Variants in UBR3 observed in about 807,000 individuals in gnomAD.
UBR3 encodes ubiquitin protein ligase E3 component n-recognin 3.
UBR3 carries 85 observed loss-of-function variants against 243.2 expected under a neutral mutation model. The ratio of observed to expected loss-of-function variants is 0.35; its 90% CI spans 0.29 to 0.42. The LOEUF (loss-of-function observed/expected upper bound fraction) is 0.42. Ranked by LOEUF, UBR3 falls within the 10% of genes least tolerant of loss-of-function variation. UBR3 has a pLI of 1.00. For synonymous variants in UBR3, 748 were observed against 799.8 expected, an observed-to-expected ratio of 0.94 and a Z score of 1.09; for missense variants, 1,686 against 2,300.8, an observed-to-expected ratio of 0.73 and a Z score of 5.47.
At chr2:170,073,631 C>A in intron 36 of UBR3, 24 bp downstream of exon 36, 1 of 1,605,150 alleles carries the variant, frequency 6.2e-7, no homozygotes, top group Non-Finnish European at 8.5e-7. Context: ...GTTGTACTAG[C>A]TTGTCACGGT....
chr2:169,925,948 G>T (rs1559100409), intron 14 of UBR3, among the ~76,000 whole-genome samples: 1 of 152,218 alleles, frequency 6.6e-6, no homozygotes, highest in Admixed American at 6.5e-5. Flanking sequence ...TGGTCAAGAG[G>T]CAGAAAGGAG....
In UBR3 at chr2:169,857,064, G is replaced by GTTTTTTTTTTTTT; in HGVS notation, c.546-15157_546-15145dup. On this transcript the variant is annotated intron_variant, in intron 1 of 38. Coordinates refer to ENST00000272793, the MANE Select transcript of UBR3 (RefSeq NM_172070.4). ...ATGATTTCCAGCATAATTTTATTATGTTTTTTTTTTTTTTTTTTTTTTTTT... is the reference window on the plus strand; with the variant it reads ...ATGATTTCCAGCATAATTTTATTATGTTTTTTTTTTTTTTTTTTTTTTTTTTTTTTTTTTTTTT... Among the ~76,000 whole-genome samples, 332 of 56,024 alleles carry GTTTTTTTTTTTTT rather than the reference G, an allele frequency of 5.9e-3. 71 individuals are homozygous for GTTTTTTTTTTTTT. The highest frequency in any genetic ancestry group is 0.025 in the East Asian group (29 of 1,150). The allele number at this position is 56,024 out of a possible 152,430, so 36.8% of individuals were successfully genotyped here. A position where few individuals can be genotyped will look rare whatever the true frequency, so the allele number is the denominator to read the frequency against.
chr2:169,994,466 C>T lies in UBR3; in HGVS notation c.3918+10C>T, dbSNP rs185501400. 5.6e-6 allele frequency: 9 copies of T among 1,609,900 alleles called. No individual in the cohort carries two copies. In the East Asian group the frequency reaches 2.0e-4, roughly 36 times the overall value. The stretch of plus-strand genomic sequence containing the variant: ...GCGTTATTTTAAGGATGTAAGTACT[C>T]TTTATAAAATAGTACTTTTGTCTGC... On this transcript the variant is annotated intron_variant, in intron 26 of 38. Coordinates refer to ENST00000272793, the MANE Select transcript of UBR3 (RefSeq NM_172070.4).
intron 18 of UBR3, among the ~76,000 whole-genome samples, chr2:169,931,657 T>C (rs1293127938): frequency 6.6e-6 from 1 of 152,176 alleles, no homozygotes; most frequent in Non-Finnish European, 1.5e-5. Flanking sequence ...CGGTGGTTTC[T>C]AAAATTATTA....
intron 8 of UBR3, among the ~76,000 whole-genome samples, chr2:169,902,912 G>A (rs911181590): frequency 1.3e-5 from 2 of 152,114 alleles, no homozygotes; most frequent in African/African-American, 2.4e-5. Flanking sequence ...GGCCAGCCAA[G>A]TCTTTTCTTG....
chr2:170,001,447 A>C, intron 27 of UBR3, 33 bp downstream of exon 27: 1 of 1,327,432 alleles, frequency 7.5e-7, no homozygotes, highest in Non-Finnish European at 1.1e-6. Flanking sequence ...TTAAAGGTGC[A>C]TGTATCTTTC....
intron 32 of UBR3, among the ~76,000 whole-genome samples, chr2:170,046,175 C>T (rs2091083693): frequency 6.6e-6 from 1 of 152,116 alleles, no homozygotes; most frequent in Non-Finnish European, 1.5e-5. Context: ...CCATGTTGGC[C>T]AGACTGGTCT....
intron 35 of UBR3, among the ~76,000 whole-genome samples, chr2:170,072,586 A>T (rs12614395): frequency 0.71 from 108,502 of 151,910 alleles, 39,611 homozygotes; most frequent in East Asian, 0.88. Flanking sequence ...AATAAAATTT[A>T]AAAAAAGTAA....
chr2:169,949,507 C>A (rs1316412256), intron 22 of UBR3, 98 bp from the exon 23 acceptor site: 6 of 1,101,406 alleles, frequency 5.4e-6, no homozygotes, highest in Non-Finnish European at 7.5e-6. Context: ...TTGTATGAAA[C>A]TGAGCATTCC....
chr2:170,046,457 T>TGTACCCCCA (rs1272640088), intron 32 of UBR3, among the ~76,000 whole-genome samples: 1 of 152,174 alleles, frequency 6.6e-6, no homozygotes, highest in Non-Finnish European at 1.5e-5. Context: ...TTTTGCTACT[T>TGTACCCCCA]GTACCCCCAA....
chr2:169,844,007 C>CTT (rs11421686), intron 1 of UBR3, among the ~76,000 whole-genome samples: 62,062 of 133,782 alleles, frequency 0.46, 16,725 homozygotes, highest in Non-Finnish European at 0.61. Context: ...TTTCTCTTTA[C>CTT]TTTTTTTTTT....
chr2:170,044,107 T>C (rs913077078), intron 32 of UBR3, among the ~76,000 whole-genome samples: 1 of 152,154 alleles, frequency 6.6e-6, no homozygotes, highest in Non-Finnish European at 1.5e-5. Flanking sequence ...TAAGGAGTTA[T>C]TAATATAAAT....
intron 29 of UBR3, among the ~76,000 whole-genome samples, chr2:170,013,626 G>A (rs2090148787): frequency 6.6e-6 from 1 of 151,868 alleles, no homozygotes. Context: ...TTAGTAATAT[G>A]TTTGTCATCC....
At chr2:169,888,108 A>AATTT (rs1382378727) in intron 5 of UBR3, among the ~76,000 whole-genome samples, 2 of 121,002 alleles carry the variant, frequency 1.7e-5, no homozygotes, top group Non-Finnish European at 3.4e-5. Flanking sequence ...CTGTGTTATG[A>AATTT]CTTTATTTAT....
intron 33 of UBR3, among the ~76,000 whole-genome samples, chr2:170,060,465 T>C (rs2091435181): frequency 6.6e-6 from 1 of 152,078 alleles, no homozygotes; most frequent in African/African-American, 2.4e-5. Flanking sequence ...CTCAAAGACA[T>C]TTGAGGGAAA....
chr2:169,881,837 A>G (rs1252823494), intron 5 of UBR3, among the ~76,000 whole-genome samples: 2 of 136,738 alleles, frequency 1.5e-5, no homozygotes, highest in African/African-American at 2.7e-5. Context: ...ATGTATGTAT[A>G]CATGTATACA....
At chr2:169,947,912 G>A (rs1023822293) in intron 22 of UBR3, 197 bp downstream of exon 22, 3 of 984,922 alleles carry the variant, frequency 3.0e-6, no homozygotes, top group African/African-American at 3.5e-5. Context: ...CAGAGTTCAC[G>A]ACGGCCTAAA....
At chr2:170,035,980 T>C (rs1332333137) in intron 31 of UBR3, among the ~76,000 whole-genome samples, 1 of 151,402 alleles carries the variant, frequency 6.6e-6, no homozygotes, top group East Asian at 1.9e-4. Flanking sequence ...CTTGCCAGTA[T>C]ATATGAAAGT....
chr2:169,949,189 T>C (rs1224417711), intron 22 of UBR3, among the ~76,000 whole-genome samples: 2 of 152,032 alleles, frequency 1.3e-5, no homozygotes, highest in African/African-American at 4.8e-5. Flanking sequence ...TAAAAACTAA[T>C]TTATAATTTT....
Sources: gnomAD v4.1 joint callset for allele counts (sites outside exome capture counted in the v4.1 genomes callset) on GRCh38, gnomAD v4.1.1 for gene constraint, MANE v1.5 for transcripts, NCBI Gene and HGNC (gene_info 2026-07-23, HGNC 2026-07-21) for gene names.